NLRC5: variants seen among roughly 807,000 people sequenced by gnomAD.
NLRC5 encodes the protein protein NLRC5.
A neutral mutation model predicts 206.9 loss-of-function variants in NLRC5; 114 were observed. That is an observed-to-expected ratio of 0.55 (90% CI 0.47 to 0.64). NLRC5 has a LOEUF of 0.64. Among genes scored for constraint, NLRC5 ranks in the 30% least tolerant of loss-of-function variants. The pLI is 0.00. For missense variants in NLRC5, 2,008 were observed against 2,305.5 expected (o/e 0.87, Z 2.64); for synonymous variants, 952 against 962.8 (o/e 0.99, Z 0.21).
In NLRC5 at chr16:57,076,818, G is replaced by T; in HGVS notation, c.4752-1G>T. 1 of 1,614,114 alleles carries T rather than the reference G, an allele frequency of 6.2e-7. No individual in the cohort carries two copies. The highest frequency in any genetic ancestry group is 1.1e-5 in the South Asian group (1 of 91,078). Reference sequence around the variant, plus strand: ...TCTTGGTCTATTCCCTGCTTTTCCAGACTGAACAGGAACAGTATCGGTGAT... The same window carrying T: ...TCTTGGTCTATTCCCTGCTTTTCCATACTGAACAGGAACAGTATCGGTGAT... On this transcript the variant is annotated splice_acceptor_variant, in intron 39 of 48. Coordinates refer to ENST00000688547, the MANE Select transcript of NLRC5 (RefSeq NM_001384950.1). LOFTEE classifies it high-confidence loss of function.
rs574406438 is a variant in NLRC5 at position 57,020,357 on chromosome 16, C to G, written c.-12-344C>G. ...CCCAGCTCATCTTCCTTCCAGTTCC[C>G]CTGTCCCCCAGCTCACCTGCCTGCC... On this transcript the variant is annotated intron_variant, in intron 2 of 48. Coordinates refer to ENST00000688547, the MANE Select transcript of NLRC5 (RefSeq NM_001384950.1). Among the ~76,000 whole-genome samples, 5 of 148,224 alleles carry G rather than the reference C, an allele frequency of 3.4e-5. No individual in the cohort carries two copies. The South Asian group carries it at 1.1e-3, about 33-fold the overall frequency.
intron 13 of NLRC5, 131 bp from the exon 14 acceptor site, chr16:57,035,969 G>T: frequency 3.7e-6 from 3 of 808,786 alleles, no homozygotes; most frequent in African/African-American, 1.7e-5. Context: ...GGAGTCTGTC[G>T]ATTTCAGTTA....
intron 1 of NLRC5, among the ~76,000 whole-genome samples, chr16:57,000,609 G>A (rs2058130146): frequency 6.6e-6 from 1 of 152,124 alleles, no homozygotes; most frequent in Admixed American, 6.5e-5. Flanking sequence ...CTTTCCCACT[G>A]TGAGCCTCAA....
chr16:57,078,986 C>T, intron 43 of NLRC5, 64 bp from the exon 44 acceptor site: 1 of 1,448,292 alleles, frequency 6.9e-7, no homozygotes. Context: ...TGAGACAAGG[C>T]TGAGGGTGGG....
At chr16:56,996,995 AAAT>A (rs2057692395) in intron 1 of NLRC5, among the ~76,000 whole-genome samples, 5 of 152,060 alleles carry the variant, frequency 3.3e-5, no homozygotes, top group Admixed American at 3.3e-4. Flanking sequence ...TCAGCCTCCC[AAAT>A]AGCTGGGACT....
At chr16:57,055,750 G>C (rs1475179358) in intron 27 of NLRC5, among the ~76,000 whole-genome samples, 2 of 152,200 alleles carry the variant, frequency 1.3e-5, no homozygotes, top group Non-Finnish European at 2.9e-5. Flanking sequence ...TGTGCCCTCT[G>C]ACTTGGGCAG....
Position 57,082,762 on chromosome 16 carries a change from T to C in NLRC5, c.*234T>C, listed in dbSNP as rs553687515. On this transcript the variant is annotated 3_prime_UTR_variant, in exon 49 of 49. Transcript: ENST00000688547. ...CATTACGTGGGATATGTGTGATCAA[T>C]TGGGGACATGCGACACACAATGAGG... is the stretch of plus-strand genomic sequence containing the variant. 246 of 434,380 alleles carry C rather than the reference T, an allele frequency of 5.7e-4. No homozygotes were observed. The highest frequency in any genetic ancestry group is 1.7e-3 in the Middle Eastern group (3 of 1,724). 26.9% of individuals were successfully genotyped at this position (434,380 alleles called of 1,614,324 possible).
chr16:57,077,506 G>T lies in NLRC5; in HGVS notation c.4919+127G>T, dbSNP rs2068545828. On this transcript the variant is annotated intron_variant, in intron 41 of 48. Coordinates refer to ENST00000688547, the MANE Select transcript of NLRC5 (RefSeq NM_001384950.1). Reference sequence around the variant, plus strand: ...CCAACCTCAGTGTCCAGGCAGTGGGGCTCGGTGACCTCCTGGCCCTCACTG... The same window carrying T: ...CCAACCTCAGTGTCCAGGCAGTGGGTCTCGGTGACCTCCTGGCCCTCACTG... The T allele has an allele frequency of 4.0e-6, 4 of 1,001,280 alleles. No homozygotes were observed. The Admixed American group carries it at 9.7e-5, about 24-fold the overall frequency. 62.0% of individuals were successfully genotyped at this position (1,001,280 alleles called of 1,614,324 possible).
chr16:56,996,680 G>A (rs2057655659), intron 1 of NLRC5, among the ~76,000 whole-genome samples: 1 of 152,108 alleles, frequency 6.6e-6, no homozygotes, highest in Admixed American at 6.6e-5. Context: ...AGTTTGTGGG[G>A]GAAATTTCAT....
Position 57,058,051 on chromosome 16 carries a change from C to T in NLRC5, c.3747-14C>T, listed in dbSNP as rs759100542. ...GCACCTCTGATCCCCGCCACTGCTC[C>T]TTACCCCCTACAGTCTCTCAGCAAA... On this transcript the variant is annotated splice_polypyrimidine_tract_variant and intron_variant, in intron 27 of 48. Transcript: ENST00000688547. The T allele has an allele frequency of 2.5e-6, 4 of 1,609,404 alleles. No homozygotes were observed. In the East Asian group the frequency reaches 6.7e-5, roughly 27 times the overall value.
chr16:57,015,941 A>AG lies in NLRC5; in HGVS notation c.-127-1133_-127-1132insG, dbSNP rs1264726851. On this transcript the variant is annotated intron_variant, in intron 1 of 48. Transcript: ENST00000688547. ...ACTCCATCTCAAAAAAAAAAAAAAAAAAAAAAAGAAAGAAAAGAAAAGAAG... is the reference window on the plus strand; with the variant it reads ...ACTCCATCTCAAAAAAAAAAAAAAAAGAAAAAAAGAAAGAAAAGAAAAGAAG... Among the ~76,000 whole-genome samples, 14 of 145,676 alleles carry AG rather than the reference A, an allele frequency of 9.6e-5. No individual in the cohort carries two copies. In the East Asian group the frequency reaches 2.2e-3, roughly 23 times the overall value.
At chr16:57,059,755 T>C (rs1327655891) in intron 30 of NLRC5, among the ~76,000 whole-genome samples, 1 of 152,158 alleles carries the variant, frequency 6.6e-6, no homozygotes, top group Non-Finnish European at 1.5e-5. Context: ...CCCACCATCC[T>C]AAGCCCAACT....
chr16:57,072,492 G>A (rs2067900162), intron 38 of NLRC5, among the ~76,000 whole-genome samples: 2 of 152,208 alleles, frequency 1.3e-5, no homozygotes, highest in Non-Finnish European at 1.5e-5. Flanking sequence ...ATCTACAGAT[G>A]TCCACTACAT....
chr16:57,077,779 T>C lies in NLRC5; in HGVS notation c.4980T>C (p.Leu1660=), dbSNP rs1182407578. 2 of 1,605,048 alleles carry C rather than the reference T, an allele frequency of 1.2e-6. No homozygotes were observed. The highest frequency in any genetic ancestry group is 1.3e-5 in the African/African-American group (1 of 74,864). The change falls in exon 42 of 49, where the codon CTT becomes CTC. Residue 1660 remains leucine, a synonymous_variant. Transcript: ENST00000688547. ...GGVQLAESLV[L]CRRLEELMLG... ...TGCAGTTGGCAGAGTCTCTCGTTCT[T>C]TGCAGGCGCCTGGAGGAGTTGATGT...
At chr16:57,021,741 T>C (rs1303589604) in intron 3 of NLRC5, among the ~76,000 whole-genome samples, 1 of 152,152 alleles carries the variant, frequency 6.6e-6, no homozygotes, top group African/African-American at 2.4e-5. Flanking sequence ...CCTTCTGCCC[T>C]CTACTGATCC....
chr16:57,076,982 G>C (rs1041478258), intron 40 of NLRC5, 80 bp downstream of exon 40: 6 of 1,237,960 alleles, frequency 4.8e-6, no homozygotes, highest in South Asian at 4.8e-5. Flanking sequence ...ACCTGAGCAC[G>C]CCCTTTGCTT....
chr16:57,068,765 T>G (rs889918866), intron 36 of NLRC5, among the ~76,000 whole-genome samples: 1 of 152,256 alleles, frequency 6.6e-6, no homozygotes, highest in African/African-American at 2.4e-5. Context: ...TTTTCCCAGT[T>G]GTGGATCCAA....
chr16:57,050,158 T>C (rs932897139), intron 23 of NLRC5, among the ~76,000 whole-genome samples: 3 of 149,650 alleles, frequency 2.0e-5, no homozygotes, highest in Non-Finnish European at 3.0e-5. Flanking sequence ...CCAGAGCCCA[T>C]GGTGTATTTG....
intron 29 of NLRC5, 87 bp downstream of exon 29, chr16:57,059,148 C>A: frequency 6.2e-7 from 1 of 1,607,166 alleles, no homozygotes; most frequent in Non-Finnish European, 8.5e-7. Flanking sequence ...GGCACCCACA[C>A]TTTGTGGCCT....
Sources: allele counts gnomAD v4.1 joint callset (sites outside exome capture counted in the v4.1 genomes callset), GRCh38; gene constraint gnomAD v4.1.1; transcripts MANE v1.5; gene names NCBI Gene and HGNC (gene_info 2026-07-23, HGNC 2026-07-21).